Variants in MTTP observed in about 807,000 individuals in gnomAD.
MTTP encodes the protein microsomal triglyceride transfer protein, also known as microsomal triglyceride transfer protein large subunit.
MTTP carries 49 observed loss-of-function variants against 90.6 expected under a neutral mutation model. The observed-to-expected ratio is 0.54, with a 90% CI of 0.43 to 0.69. The LOEUF is 0.69. Ranked by LOEUF, MTTP falls within the 30% of genes least tolerant of loss-of-function variation. The pLI, the probability that MTTP is intolerant of heterozygous loss-of-function variation, is 0.00. For synonymous variants in MTTP, 347 were observed against 384.2 expected (o/e 0.90, Z 1.13); for missense variants, 945 against 1,067.5 (o/e 0.89, Z 1.60).
At chr4:99,619,582 T>C (rs988206075) in intron 16 of MTTP, among the ~76,000 whole-genome samples, 1 of 152,210 alleles carries the variant, frequency 6.6e-6, no homozygotes, top group Admixed American at 6.6e-5. Flanking sequence ...CCTGTGAGAT[T>C]TAATGAAAGT....
At chr4:99,566,172 C>A (rs1042226996) in intron 1 of MTTP, among the ~76,000 whole-genome samples, 1 of 151,716 alleles carries the variant, frequency 6.6e-6, no homozygotes, top group Non-Finnish European at 1.5e-5. Flanking sequence ...GCCTGTAGTC[C>A]CGTCTACTCC....
At chr4:99,597,374 C>A in intron 8 of MTTP, 150 bp downstream of exon 8, 1 of 863,542 alleles carries the variant, frequency 1.2e-6, no homozygotes, top group Non-Finnish European at 1.8e-6. Flanking sequence ...AAAGTTATGC[C>A]ACAGTGCAGT....
At chr4:99,619,119 C>T (rs1174852611) in intron 16 of MTTP, 21 bp downstream of exon 16, 14 of 1,604,014 alleles carry the variant, frequency 8.7e-6, no homozygotes, top group African/African-American at 1.3e-5. Context: ...ATGCATTATA[C>T]ATTTATGAAT....
At chr4:99,611,115 C>T in intron 12 of MTTP, 28 bp from the exon 13 acceptor site, 1 of 1,591,616 alleles carries the variant, frequency 6.3e-7, no homozygotes, top group African/African-American at 1.3e-5. Context: ...AATGAATGTG[C>T]AGCTTTTTTT....
chr4:99,578,247 T>C (rs1477531982), intron 1 of MTTP, among the ~76,000 whole-genome samples: 1 of 152,242 alleles, frequency 6.6e-6, no homozygotes, highest in Non-Finnish European at 1.5e-5. Context: ...GAAGGGCAAA[T>C]GAAAGAGATT....
chr4:99,589,645 C>T lies in MTTP; in HGVS notation c.396C>T (p.Val132=). The change falls in exon 4 of 18, where the codon GTC becomes GTT. Residue 132 remains valine (V), a splice_region_variant and synonymous_variant. Transcript: ENST00000265517. ...PTLLHLIHGK[V]KEFYSYQNEA... is the part of the protein sequence containing the mutation. ...TTCTGTTCCCCTCTCCCCACCAGGT[C>T]AAAGAGTTCTACTCATATCAAAATG... 1 of 1,580,858 alleles carries T rather than the reference C, an allele frequency of 6.3e-7. No homozygotes were observed. The highest frequency in any genetic ancestry group is 8.7e-7 in the Non-Finnish European group (1 of 1,150,556).
rs528791157 is a variant in MTTP at position 99,616,380 on chromosome 4, A to G, written c.2218-2594A>G. Reference sequence around the variant, plus strand: ...ACACCACTGCACTCCAGCCCGGGTGACAGAGCAAGACCCCATCTCAAAGAA... The same window carrying G: ...ACACCACTGCACTCCAGCCCGGGTGGCAGAGCAAGACCCCATCTCAAAGAA... On this transcript the variant is annotated intron_variant, in intron 15 of 17. Transcript: ENST00000265517. Among the ~76,000 whole-genome samples the G allele has an allele frequency of 2.3e-3, 356 of 152,278 alleles. 1 individual carries two copies. The highest frequency in any genetic ancestry group is 4.5e-3 in the Non-Finnish European group (305 of 68,016).
At chr4:99,602,756 T>G (rs1725728355) in intron 10 of MTTP, among the ~76,000 whole-genome samples, 2 of 152,172 alleles carry the variant, frequency 1.3e-5, no homozygotes, top group South Asian at 2.1e-4. Context: ...GCTGATTTAC[T>G]TCAGCTATTT....
chr4:99,599,861 T>C (rs1457044142), intron 8 of MTTP, among the ~76,000 whole-genome samples: 1 of 152,142 alleles, frequency 6.6e-6, no homozygotes, highest in East Asian at 1.9e-4. Flanking sequence ...GGTGTGCTTA[T>C]ATAGGGGTAG....
In MTTP at chr4:99,589,577, C is replaced by T. The variant is rs1725362280; in HGVS notation, c.394-66C>T. On this transcript the variant is annotated intron_variant, in intron 3 of 17. Coordinates refer to ENST00000265517, the MANE Select transcript of MTTP (RefSeq NM_001386140.1). ...GGTAAGAATCTGACCTTGCCTGACA[C>T]TTATTTAAATCTGATAAATGATGCA... is the stretch of plus-strand genomic sequence containing the variant. 5 of 919,988 alleles carry T rather than the reference C, an allele frequency of 5.4e-6. No individual in the cohort carries two copies. The Admixed American group carries it at 8.6e-5, about 16-fold the overall frequency. 57.0% of individuals were successfully genotyped at this position (919,988 alleles called of 1,614,324 possible).
At chr4:99,578,918 T>C (rs1560612911) in intron 1 of MTTP, among the ~76,000 whole-genome samples, 1 of 152,194 alleles carries the variant, frequency 6.6e-6, no homozygotes, top group Non-Finnish European at 1.5e-5. Context: ...TGGAATTTGA[T>C]AGGTGTCATA....
At chr4:99,583,602 A>G in intron 3 of MTTP, 85 bp downstream of exon 3, 3 of 1,462,986 alleles carry the variant, frequency 2.1e-6, no homozygotes, top group Non-Finnish European at 2.9e-6. Flanking sequence ...AGGTAATCAC[A>G]TTGTAACTAC....
upstream of MTTP, chr4:99,570,924 A>G (rs1724827742): frequency 2.7e-6 from 1 of 368,018 alleles, no homozygotes; most frequent in Admixed American, 3.5e-5. Flanking sequence ...CAATACTTTC[A>G]TTTTATCCCT....
chr4:99,576,957 G>T (rs1724979058), intron 1 of MTTP, among the ~76,000 whole-genome samples: 1 of 152,116 alleles, frequency 6.6e-6, no homozygotes, highest in Non-Finnish European at 1.5e-5. Context: ...CATTGCTAGG[G>T]TCCACTTCTG....
intron 3 of MTTP, chr4:99,584,169 A>T (rs7661964): frequency 0.26 from 39,805 of 152,018 alleles, 5,378 homozygotes; most frequent in South Asian, 0.35. Flanking sequence ...GAAATGGTCT[A>T]AATAAATTTG....
intron 1 of MTTP, among the ~76,000 whole-genome samples, chr4:99,581,122 AT>A (rs1437361490): frequency 6.6e-6 from 1 of 152,176 alleles, no homozygotes; most frequent in African/African-American, 2.4e-5. Context: ...GTGACCATAC[AT>A]TTTAAGTCAT....
At chr4:99,605,869 A>ATGTGTG (rs111417359) in intron 10 of MTTP, among the ~76,000 whole-genome samples, 5,754 of 149,262 alleles carry the variant, frequency 0.039, 145 homozygotes, top group Middle Eastern at 0.051. Flanking sequence ...AACCCCATGT[A>ATGTGTG]TGTGTGTGTG....
At chr4:99,575,897 T>TA (rs1450848827) in intron 1 of MTTP, among the ~76,000 whole-genome samples, 3 of 152,208 alleles carry the variant, frequency 2.0e-5, no homozygotes, top group African/African-American at 7.2e-5. Flanking sequence ...ACAATTCACT[T>TA]ATAAACTTAT....
At chr4:99,575,528 T>A (rs1724934663) in intron 1 of MTTP, among the ~76,000 whole-genome samples, 1 of 152,226 alleles carries the variant, frequency 6.6e-6, no homozygotes, top group Non-Finnish European at 1.5e-5. Flanking sequence ...AAAATTAAAT[T>A]TCCTGATACA....
Sources: allele counts gnomAD v4.1 joint callset (sites outside exome capture counted in the v4.1 genomes callset), GRCh38; gene constraint gnomAD v4.1.1; transcripts MANE v1.5; gene names NCBI Gene and HGNC (gene_info 2026-07-23, HGNC 2026-07-21).